ZNF2: variants seen among roughly 807,000 people sequenced by gnomAD.
ZNF2 encodes the protein zinc finger protein 2.
Under a neutral mutation model 21.9 loss-of-function variants are expected in ZNF2, and 12 were observed. The observed-to-expected ratio is 0.55, with a 90% CI of 0.35 to 0.89. ZNF2 has a LOEUF of 0.89. Ranked by LOEUF, ZNF2 falls within the 40% of genes least tolerant of loss-of-function variation. The probability of loss-of-function intolerance (pLI) is 0.01; values close to 1 mark genes in which losing one functional copy is unlikely to be tolerated. For synonymous variants in ZNF2, 186 were observed against 196.3 expected (o/e 0.95, Z 0.44); for missense variants, 462 against 544.2 (o/e 0.85, Z 1.50).
intron 2 of ZNF2, 81 bp from the exon 3 acceptor site, chr2:95,177,402 G>T (rs778819044): frequency 3.9e-6 from 6 of 1,535,454 alleles, no homozygotes; most frequent in South Asian, 1.2e-5. Flanking sequence ...CGTCCTCCAG[G>T]GCTGTCATCT....
In ZNF2 at chr2:95,182,301, C is replaced by T. The variant is rs899750014; in HGVS notation, c.*195C>T. 3.0e-5 allele frequency: 20 copies of T among 659,744 alleles called. No individual in the cohort carries two copies. Among genetic ancestry groups the T allele is most frequent in the Admixed American group, 2.0e-4 (6 of 29,478 alleles). The allele number at this position is 659,744 out of a possible 1,614,324, so 40.9% of individuals were successfully genotyped here. On this transcript the variant is annotated 3_prime_UTR_variant, in exon 5 of 5. Transcript: ENST00000614034. ...TGTAGGGGAGGCCATGGAAATGACT[C>T]TAAAGATACAAAATTTTGAAGAGGT...
chr2:95,167,390 C>T (rs1250463454), intron 1 of ZNF2, among the ~76,000 whole-genome samples: 1 of 151,050 alleles, frequency 6.6e-6, no homozygotes, highest in Non-Finnish European at 1.5e-5. Flanking sequence ...CCTGTAGTCC[C>T]GGCTACTCGG....
intron 1 of ZNF2, among the ~76,000 whole-genome samples, chr2:95,170,225 T>G (rs984809547): frequency 2.0e-5 from 3 of 152,238 alleles, no homozygotes; most frequent in Admixed American, 2.0e-4. Flanking sequence ...GGTTATCAAT[T>G]GACATGTCTT....
Position 95,181,712 on chromosome 2 carries a change from G to C in ZNF2, c.884G>C (p.Ser295Thr). ...TGTCATCAGTGTGGGAAAGCCTTTA[G>C]CCAGAAAAGTATTCTTACTCGCCAT... Reference protein sequence around the residue: ...YECHQCGKAFSQKSILTRHQL... With the variant: ...YECHQCGKAFTQKSILTRHQL... The change falls in exon 5 of 5, where the codon AGC (serine) becomes ACC (threonine). Residue 295 changes from serine to threonine, a missense_variant. By Grantham distance (58) the Ser-to-Thr change is moderately conservative (BLOSUM62 1). Coordinates refer to ENST00000614034, the MANE Select transcript of ZNF2 (RefSeq NM_021088.4). 1 of 1,614,206 alleles carries C rather than the reference G, an allele frequency of 6.2e-7. No individual in the cohort carries two copies. The highest frequency in any genetic ancestry group is 8.5e-7 in the Non-Finnish European group (1 of 1,180,038).
intron 4 of ZNF2, 29 bp downstream of exon 4, chr2:95,180,301 A>C: frequency 1.3e-6 from 2 of 1,517,338 alleles, no homozygotes; most frequent in Non-Finnish European, 1.8e-6. Context: ...GACAGAATGG[A>C]ATTTTGTTTG....
intron 1 of ZNF2, among the ~76,000 whole-genome samples, chr2:95,171,299 A>G (rs897524877): frequency 6.6e-6 from 1 of 151,588 alleles, no homozygotes; most frequent in Non-Finnish European, 1.5e-5. Context: ...TCCATGCCGC[A>G]TTGGTAACCC....
intron 1 of ZNF2, among the ~76,000 whole-genome samples, chr2:95,174,459 G>A (rs1192802410): frequency 2.6e-5 from 4 of 152,176 alleles, no homozygotes; most frequent in African/African-American, 7.2e-5. Context: ...CCACAGCACT[G>A]CTCACAGCCT....
chr2:95,178,031 G>A (rs2104506013), intron 3 of ZNF2, among the ~76,000 whole-genome samples: 1 of 152,302 alleles, frequency 6.6e-6, no homozygotes, highest in South Asian at 2.1e-4. Context: ...TGTGCGCTGG[G>A]GTAGGGGGCC....
chr2:95,180,217 G>T lies in ZNF2; in HGVS notation c.219G>T (p.Trp73Cys). 1 of 1,614,168 alleles carries T rather than the reference G, an allele frequency of 6.2e-7. No homozygotes were observed. The highest frequency in any genetic ancestry group is 8.5e-7 in the Non-Finnish European group (1 of 1,180,020). ...AATTGAAGAGAGGGGACAAGCCGTGGATGGTAGATCTTCATGGGTCTGAGG... is the reference window on the plus strand; with the variant it reads ...AATTGAAGAGAGGGGACAAGCCGTGTATGGTAGATCTTCATGGGTCTGAGG... ...IFQLKRGDKP[W>C]MVDLHGSEER... The change falls in exon 4 of 5, where the codon TGG (tryptophan) becomes TGT (cysteine). Residue 73 changes from tryptophan to cysteine, a missense_variant. Transcript: ENST00000614034.
rs193040815 is a variant in ZNF2, at chr2:95,182,385, C to A, written c.*279C>A. 2.4e-5 allele frequency: 8 copies of A among 329,050 alleles called. No homozygotes were observed. Among genetic ancestry groups the A allele is most frequent in the Admixed American group, 2.2e-4 (5 of 22,518 alleles). The allele number at this position is 329,050 out of a possible 1,614,324, so 20.4% of individuals were successfully genotyped here. ...CACACCTCTTGTCTGAGAACCTAGGCCCCAGGTATCACTGCACTTTAAGAA... is the reference window on the plus strand; with the variant it reads ...CACACCTCTTGTCTGAGAACCTAGGACCCAGGTATCACTGCACTTTAAGAA... On this transcript the variant is annotated 3_prime_UTR_variant, in exon 5 of 5. Transcript: ENST00000614034.
chr2:95,166,826 A>G (rs1047853719), intron 1 of ZNF2, among the ~76,000 whole-genome samples: 1 of 152,216 alleles, frequency 6.6e-6, no homozygotes, highest in Non-Finnish European at 1.5e-5. Flanking sequence ...GATGTGTGGA[A>G]TTGCCTAAAG....
intron 1 of ZNF2, among the ~76,000 whole-genome samples, chr2:95,175,378 C>T (rs1674406641): frequency 6.6e-6 from 1 of 152,156 alleles, no homozygotes; most frequent in African/African-American, 2.4e-5. Flanking sequence ...ATTCTTAGGT[C>T]TTTGCGTCAG....
At chr2:95,174,176 A>G (rs1176370294) in intron 1 of ZNF2, among the ~76,000 whole-genome samples, 1 of 152,258 alleles carries the variant, frequency 6.6e-6, no homozygotes, top group African/African-American at 2.4e-5. Context: ...ATAGCTGTCA[A>G]TAAGGGTTAG....
rs755361771 is a variant in ZNF2, at chr2:95,181,978, C to G, written c.1150C>G (p.Leu384Val). 1 of 1,614,290 alleles carries G rather than the reference C, an allele frequency of 6.2e-7. No homozygotes were observed. The highest frequency in any genetic ancestry group is 2.2e-5 in the East Asian group (1 of 44,892). The change falls in exon 5 of 5, where the codon CTC (leucine) becomes GTC (valine). Residue 384 changes from leucine to valine, a missense_variant. Coordinates refer to ENST00000614034, the MANE Select transcript of ZNF2 (RefSeq NM_021088.4). Reference protein sequence around the residue: ...CGKAFSQRCRLTRHQRVHTGE... With the variant: ...CGKAFSQRCRVTRHQRVHTGE... ...GAAAGCCTTTAGCCAGCGGTGCCGGCTCACGCGGCATCAGCGTGTCCACAC... is the reference window on the plus strand; with the variant it reads ...GAAAGCCTTTAGCCAGCGGTGCCGGGTCACGCGGCATCAGCGTGTCCACAC...
At chr2:95,173,989 G>A (rs1416750087) in intron 1 of ZNF2, among the ~76,000 whole-genome samples, 1 of 152,138 alleles carries the variant, frequency 6.6e-6, no homozygotes, top group Non-Finnish European at 1.5e-5. Flanking sequence ...GATTACAGGC[G>A]TGAGCCACCG....
chr2:95,169,754 AAAAC>A (rs1022815718), intron 1 of ZNF2, among the ~76,000 whole-genome samples: 4 of 152,312 alleles, frequency 2.6e-5, no homozygotes, highest in Admixed American at 6.5e-5. Context: ...TGTCTCAAAA[AAAAC>A]AAACAAAAAA....
rs1405889431 is a variant in ZNF2, at chr2:95,181,467, G to A, written c.639G>A (p.Arg213=). The A allele has an allele frequency of 1.9e-6, 3 of 1,613,850 alleles. No homozygotes were observed. Among genetic ancestry groups the A allele is most frequent in the Non-Finnish European group, 2.5e-6 (3 of 1,179,978 alleles). Residue 213 remains arginine (R), a synonymous_variant, in exon 5 of 5, where the codon AGG becomes AGA. Coordinates refer to ENST00000614034, the MANE Select transcript of ZNF2 (RefSeq NM_021088.4). The part of the protein sequence containing the change: ...CRECGKAFSH[R]SSLSRHLMSH... Reference sequence around the variant, plus strand: ...AGTGTGGGAAAGCCTTCAGCCACAGGAGCAGCCTCAGCAGACATCTGATGT... The same window carrying A: ...AGTGTGGGAAAGCCTTCAGCCACAGAAGCAGCCTCAGCAGACATCTGATGT...
rs1674753514 is a variant in ZNF2, at chr2:95,183,558, T to G, written c.*1452T>G. On this transcript the variant is annotated 3_prime_UTR_variant, in exon 5 of 5. Transcript: ENST00000614034. ...AGGTCTGCCTTAACGTGATCCCCAT[T>G]GCTGAATTTTACCTCCTGACTCCAA... 6.6e-6 allele frequency: 1 copy of G among 151,900 alleles called. No individual in the cohort carries two copies. The allele number at this position is 151,900 out of a possible 1,614,324, so 9.4% of individuals were successfully genotyped here. A position where few individuals can be genotyped will look rare whatever the true frequency, so the allele number is the denominator to read the frequency against.
intron 1 of ZNF2, among the ~76,000 whole-genome samples, chr2:95,170,266 C>T (rs1331616970): frequency 2.6e-5 from 4 of 152,200 alleles, no homozygotes; most frequent in Admixed American, 6.5e-5. Flanking sequence ...TCTGCCTCCT[C>T]CCAGCAAGAT....
Sources: gnomAD v4.1 joint callset for allele counts (sites outside exome capture counted in the v4.1 genomes callset) on GRCh38, gnomAD v4.1.1 for gene constraint, MANE v1.5 for transcripts, NCBI Gene and HGNC (gene_info 2026-07-23, HGNC 2026-07-21) for gene names.